Variants in P2RX4 observed in about 807,000 individuals in gnomAD.
P2RX4 encodes the protein purinergic receptor P2X 4.
Under a neutral mutation model 48.0 loss-of-function variants are expected in P2RX4, and 37 were observed. The observed-to-expected ratio is 0.77, with a 90% CI of 0.59 to 1.01. The LOEUF is 1.01. Ranked by LOEUF, P2RX4 falls within the 50% of genes least tolerant of loss-of-function variation. The pLI is 0.00. For missense variants in P2RX4, 501 were observed against 521.4 expected, an observed-to-expected ratio of 0.96 and a Z score of 0.38; for synonymous variants, 200 against 199.7, an observed-to-expected ratio of 1.00 and a Z score of -0.01.
intron 8 of P2RX4, among the ~76,000 whole-genome samples, chr12:121,231,520 C>A (rs1887358925): frequency 6.6e-6 from 1 of 152,152 alleles, no homozygotes; most frequent in Admixed American, 6.6e-5. Context: ...CTCTTCTGAG[C>A]ATTTCATATA....
chr12:121,220,804 C>T (rs571407624), intron 2 of P2RX4, among the ~76,000 whole-genome samples: 15 of 152,168 alleles, frequency 9.9e-5, no homozygotes, highest in Non-Finnish European at 1.5e-5. Context: ...TTCCCCACTT[C>T]TCTCACTCCC....
At chr12:121,217,358 G>T (rs1376566763) in intron 2 of P2RX4, 77 bp downstream of exon 2, 1 of 1,460,760 alleles carries the variant, frequency 6.8e-7, no homozygotes, top group Non-Finnish European at 9.6e-7. Flanking sequence ...ATTAATGATT[G>T]ACGTGGCCTG....
At chr12:121,217,005 A>C (rs1451492409) in intron 1 of P2RX4, 129 bp from the exon 2 acceptor site, 2 of 918,450 alleles carry the variant, frequency 2.2e-6, no homozygotes, top group Non-Finnish European at 3.6e-6. Context: ...CCTAGAAGGT[A>C]CGTAGCTTGT....
chr12:121,223,390 C>G (rs543368555), intron 5 of P2RX4: 104 of 333,100 alleles, frequency 3.1e-4, no homozygotes, highest in African/African-American at 2.0e-3. Context: ...GCCACCACAC[C>G]CAGCCGGAAG....
chr12:121,222,980 G>C lies in P2RX4; in HGVS notation c.461G>C (p.Gly154Ala). 1 of 1,613,788 alleles carries C rather than the reference G, an allele frequency of 6.2e-7. No individual in the cohort carries two copies. ...VSTGRCVAFN[G>A]SVKTCEVAAW... ...ACAGGCAGGTGCGTAGCTTTCAACG[G>C]GTCTGTCAAGACGTGTGAGGTGGCG... Residue 154 changes from glycine to alanine, a missense_variant, in exon 5 of 12, where the codon GGG becomes GCG. By Grantham distance (60) the Gly-to-Ala change is moderately conservative. This residue lies in a region of P2RX4 where 295 missense variants were observed against 275.3 expected (regional missense o/e 1.07). Coordinates refer to ENST00000337233, the MANE Select transcript of P2RX4 (RefSeq NM_002560.3).
At chr12:121,213,974 T>C (rs1485245482) in intron 1 of P2RX4, 4 of 152,078 alleles carry the variant, frequency 2.6e-5, no homozygotes, top group African/African-American at 9.7e-5. Context: ...CTGAGGCAAG[T>C]GGATCCCTTG....
chr12:121,232,490 A>G lies in P2RX4; in HGVS notation c.961A>G (p.Ile321Val), dbSNP rs1445161428. 6.2e-7 allele frequency: 1 copy of G among 1,614,106 alleles called. No individual in the cohort carries two copies. The highest frequency in any genetic ancestry group is 1.1e-5 in the South Asian group (1 of 91,074). The change falls in exon 9 of 12, where the codon ATC becomes GTC. Residue 321 changes from isoleucine to valine, a missense_variant. Transcript: ENST00000337233. This position sits in a 1 kb window ranked among gnomAD's most constrained non-coding sequence, Gnocchi z 4.3. The stretch of plus-strand genomic sequence containing the variant: ...CAAGGCCTATGGCATCCGCTTCGAC[A>G]TCATTGTGTTTGGGAAGGTAGCTCG... ...LIKAYGIRFD[I>V]IVFGKAGKFD...
At chr12:121,218,196 C>T (rs181355324) in intron 2 of P2RX4, among the ~76,000 whole-genome samples, 30 of 151,958 alleles carry the variant, frequency 2.0e-4, no homozygotes, top group African/African-American at 7.0e-4. Flanking sequence ...CCATAAAAGT[C>T]AGGAGGAAGG....
In P2RX4 at chr12:121,233,768, ACT is replaced by A. The variant is rs1566014284; in HGVS notation, c.*222_*223del. 2.6e-6 allele frequency: 3 copies of A among 1,167,188 alleles called. No individual in the cohort carries two copies. Among genetic ancestry groups the A allele is most frequent in the Non-Finnish European group, 3.5e-6 (3 of 854,758 alleles). 72.3% of individuals were successfully genotyped at this position (1,167,188 alleles called of 1,614,324 possible). ...CAGCAGTCTGTTCTTGGCTGGGTCA[ACT>A]CTGCTTTTCCCGCAACCTGGGGTTG... On this transcript the variant is annotated 3_prime_UTR_variant, in exon 12 of 12. Transcript: ENST00000337233.
chr12:121,226,135 A>G (rs1886962298), intron 5 of P2RX4, among the ~76,000 whole-genome samples: 1 of 152,012 alleles, frequency 6.6e-6, no homozygotes, highest in African/African-American at 2.4e-5. Flanking sequence ...AGCCTCCCAA[A>G]GTGCTGGGAT....
At chr12:121,222,482 G>T (rs1458067519) in intron 4 of P2RX4, 2 of 459,392 alleles carry the variant, frequency 4.4e-6, no homozygotes, top group Admixed American at 6.4e-5. Flanking sequence ...GCATGATCTC[G>T]GCTCACTGCA....
intron 8 of P2RX4, among the ~76,000 whole-genome samples, chr12:121,231,514 T>C (rs1394531029): frequency 6.6e-6 from 1 of 152,124 alleles, no homozygotes; most frequent in African/African-American, 2.4e-5. Flanking sequence ...ATGTGCCTCT[T>C]CTGAGCATTT....
At chr12:121,211,343 C>A (rs1273863571) in intron 1 of P2RX4, among the ~76,000 whole-genome samples, 1 of 152,036 alleles carries the variant, frequency 6.6e-6, no homozygotes, top group Non-Finnish European at 1.5e-5. Flanking sequence ...GCTGGGATTA[C>A]AAGTGCCCGC....
At chr12:121,214,645 C>T (rs1445418142) in intron 1 of P2RX4, 2 of 152,226 alleles carry the variant, frequency 1.3e-5, no homozygotes, top group Non-Finnish European at 2.9e-5. Flanking sequence ...TAAATGGAAG[C>T]TTACACTGCA....
rs758152973 is a variant in P2RX4, at chr12:121,233,102, T to C, written c.1140+10T>C. On this transcript the variant is annotated intron_variant, in intron 11 of 11. Transcript: ENST00000337233. ...GGAAGATTACGAGCAGGTAGGCCCC[T>C]CCTGGCCCCCAGCAGGCACAGGCCT... 5.7e-6 allele frequency: 9 copies of C among 1,580,298 alleles called. No individual in the cohort carries two copies. In the African/African-American group the frequency reaches 1.1e-4, roughly 19 times the overall value.
At chr12:121,215,452 T>G (rs1464224840) in intron 1 of P2RX4, 35 of 64,850 alleles carry the variant, frequency 5.4e-4, no homozygotes, top group Admixed American at 5.1e-3. Context: ...GTTTTTTTTT[T>G]TTTTTTTTTT....
rs967057690 is a variant in P2RX4 at position 121,232,770 on chromosome 12, G to A, written c.1044+94G>A. The A allele has an allele frequency of 2.7e-6, 3 of 1,125,848 alleles. No homozygotes were observed. Among genetic ancestry groups the A allele is most frequent in the Non-Finnish European group, 4.0e-6 (3 of 743,332 alleles). 69.7% of individuals were successfully genotyped at this position (1,125,848 alleles called of 1,614,324 possible). On this transcript the variant is annotated intron_variant, in intron 10 of 11. Coordinates refer to ENST00000337233, the MANE Select transcript of P2RX4 (RefSeq NM_002560.3). This position sits in a 1 kb window ranked among gnomAD's most constrained non-coding sequence, Gnocchi z 4.3. ...GCCCTAGGCCCTAGACCTCAGATGT[G>A]TTTCTAAACTTGACCCTCCTACCTT...
In P2RX4 at chr12:121,210,146, G is replaced by C. The variant is rs1483425601; in HGVS notation, c.-19G>C. The C allele has an allele frequency of 6.6e-7, 1 of 1,517,494 alleles. No individual in the cohort carries two copies. Among genetic ancestry groups the C allele is most frequent in the Admixed American group, 2.1e-5 (1 of 46,538 alleles). The allele number at this position is 1,517,494 out of a possible 1,614,324, so 94.0% of individuals were successfully genotyped here. A position where few individuals can be genotyped will look rare whatever the true frequency, so the allele number is the denominator to read the frequency against. On this transcript the variant is annotated 5_prime_UTR_variant, in exon 1 of 12. Coordinates refer to ENST00000337233, the MANE Select transcript of P2RX4 (RefSeq NM_002560.3). ...TGGGACCCAGACCGACTAGGGGACT[G>C]GGAGCGGGCGGCGCGGCCATGGCGG...
chr12:121,227,401 C>T (rs1207469461), intron 5 of P2RX4, among the ~76,000 whole-genome samples: 4 of 152,258 alleles, frequency 2.6e-5, no homozygotes, highest in African/African-American at 9.6e-5. Flanking sequence ...TGACGTGGCA[C>T]TTCTGAGAAG....
Sources: allele counts gnomAD v4.1 joint callset (sites outside exome capture counted in the v4.1 genomes callset), GRCh38; gene constraint gnomAD v4.1.1; regional missense constraint gnomAD v4.1.1; non-coding constraint Gnocchi (gnomAD v3.1); transcripts MANE v1.5; gene names NCBI Gene and HGNC (gene_info 2026-07-23, HGNC 2026-07-21).